Variants in DNM3 observed in about 807,000 individuals in gnomAD.
DNM3 encodes the protein dynamin 3.
Under a neutral mutation model 101.6 loss-of-function variants are expected in DNM3, and 47 were observed. The observed-to-expected ratio is 0.46, with a 90% CI of 0.37 to 0.59. The LOEUF is 0.59. Ranked by LOEUF, DNM3 falls within the 20% of genes least tolerant of loss-of-function variation. The pLI, the probability that DNM3 is intolerant of heterozygous loss-of-function variation, is 0.00. For synonymous variants in DNM3, 385 were observed against 387.9 expected, an observed-to-expected ratio of 0.99 and a Z score of 0.09; for missense variants, 849 against 1,085.7, an observed-to-expected ratio of 0.78 and a Z score of 3.06.
In DNM3 at chr1:172,342,651, TGTTG is replaced by T. The variant is rs559176826; in HGVS notation, c.1893+19314_1893+19317del. On this transcript the variant is annotated intron_variant, in intron 17 of 20. Transcript: ENST00000627582. ...GAGAAAGGATCAGAAAAATACCTAT[TGTTG>T]GTACACCAAACCCCCATGACATGAG... is the stretch of plus-strand genomic sequence containing the variant. Among the ~76,000 whole-genome samples the T allele has an allele frequency of 1.5e-4, 23 of 152,160 alleles. No homozygotes were observed. The South Asian group carries it at 4.8e-3, about 32-fold the overall frequency.
intron 1 of DNM3, among the ~76,000 whole-genome samples, chr1:171,905,588 G>C (rs2038754269): frequency 6.6e-6 from 1 of 152,132 alleles, no homozygotes; most frequent in Non-Finnish European, 1.5e-5. Flanking sequence ...TTCGGTATAT[G>C]TGGTGGGGAG....
At chr1:171,982,278 A>G (rs2044858260) in intron 2 of DNM3, among the ~76,000 whole-genome samples, 1 of 152,220 alleles carries the variant, frequency 6.6e-6, no homozygotes, top group African/African-American at 2.4e-5. Flanking sequence ...TTGATCAGCT[A>G]GTACAACTCG....
At chr1:172,234,426 A>C (rs1220133294) in intron 14 of DNM3, among the ~76,000 whole-genome samples, 1 of 152,196 alleles carries the variant, frequency 6.6e-6, no homozygotes, top group Non-Finnish European at 1.5e-5. Context: ...CATGGATAGG[A>C]AGAATCAATA....
chr1:172,022,557 G>T (rs1195894826), intron 4 of DNM3, among the ~76,000 whole-genome samples: 1 of 151,764 alleles, frequency 6.6e-6, no homozygotes, highest in African/African-American at 2.4e-5. Flanking sequence ...ATTTTTATTA[G>T]AGCTATAAAT....
intron 17 of DNM3, among the ~76,000 whole-genome samples, chr1:172,378,712 A>G (rs1431069693): frequency 6.6e-6 from 1 of 152,022 alleles, no homozygotes; most frequent in Non-Finnish European, 1.5e-5. Flanking sequence ...ATGGCTTAAG[A>G]TTAGATTGTT....
intron 18 of DNM3, among the ~76,000 whole-genome samples, chr1:172,383,305 A>G (rs2069016349): frequency 6.6e-6 from 1 of 152,122 alleles, no homozygotes; most frequent in Non-Finnish European, 1.5e-5. Flanking sequence ...CTTTTCCTTA[A>G]CATTACATTT....
intron 2 of DNM3, among the ~76,000 whole-genome samples, chr1:171,983,370 A>T (rs1350785687): frequency 1.2e-5 from 1 of 84,912 alleles, no homozygotes; most frequent in African/African-American, 7.8e-5. Context: ...GGGTGGGAGG[A>T]TCACTTGAGC....
chr1:172,092,529 C>T (rs1234435430), intron 12 of DNM3, among the ~76,000 whole-genome samples: 1 of 152,198 alleles, frequency 6.6e-6, no homozygotes, highest in African/African-American at 2.4e-5. Context: ...CAACTCTCCT[C>T]TGTACCTGTG....
At chr1:171,844,923 A>T (rs978671605) in intron 1 of DNM3, among the ~76,000 whole-genome samples, 1 of 152,228 alleles carries the variant, frequency 6.6e-6, no homozygotes, top group African/African-American at 2.4e-5. Flanking sequence ...GTTAACATTT[A>T]TAGAGTGCCT....
chr1:172,194,530 G>A (rs1049249050), intron 14 of DNM3, among the ~76,000 whole-genome samples: 1 of 152,114 alleles, frequency 6.6e-6, no homozygotes, highest in South Asian at 2.1e-4. Flanking sequence ...CTTGCTTTAT[G>A]AATCTGGGTG....
intron 14 of DNM3, among the ~76,000 whole-genome samples, chr1:172,204,670 T>C (rs542548502): frequency 1.4e-4 from 21 of 152,130 alleles, no homozygotes; most frequent in Non-Finnish European, 1.5e-4. Flanking sequence ...TCTTTCTCCT[T>C]CTAAAAAAAC....
In DNM3 at chr1:171,975,233, C is replaced by G. The variant is rs532733101; in HGVS notation, c.236-12423C>G. ...GCCTGAGTCATAGAATTATTTCTAC[C>G]ATTTCTAAGCAAAAGCGTCTTATCA... On this transcript the variant is annotated intron_variant, in intron 2 of 20. Transcript: ENST00000627582. Among the ~76,000 whole-genome samples, 6 of 152,182 alleles carry G rather than the reference C, an allele frequency of 3.9e-5. No individual in the cohort carries two copies. The South Asian group carries it at 1.2e-3, about 32-fold the overall frequency.
chr1:172,239,004 C>T (rs1054078542), intron 14 of DNM3, among the ~76,000 whole-genome samples: 2 of 152,116 alleles, frequency 1.3e-5, no homozygotes, highest in Non-Finnish European at 2.9e-5. Context: ...TTTCCTTGAC[C>T]TCTTCTGCAC....
intron 14 of DNM3, among the ~76,000 whole-genome samples, chr1:172,146,078 A>G (rs1317733025): frequency 6.6e-6 from 1 of 152,216 alleles, no homozygotes; most frequent in Non-Finnish European, 1.5e-5. Context: ...ATTTCTAGGT[A>G]GCTTCCAAAT....
chr1:171,904,625 G>A (rs1217569566), intron 1 of DNM3, among the ~76,000 whole-genome samples: 2 of 152,182 alleles, frequency 1.3e-5, no homozygotes, highest in African/African-American at 4.8e-5. Context: ...CAGGAAAGAA[G>A]GACATTTCCC....
intron 16 of DNM3, among the ~76,000 whole-genome samples, chr1:172,321,999 A>G (rs2065739993): frequency 6.6e-6 from 1 of 152,144 alleles, no homozygotes; most frequent in Non-Finnish European, 1.5e-5. Context: ...GTTAACGGTT[A>G]TATCACGGCA....
intron 14 of DNM3, chr1:172,138,669 A>G: frequency 4.6e-6 from 1 of 217,420 alleles, no homozygotes; most frequent in Non-Finnish European, 9.9e-6. Context: ...AAAATAAAAT[A>G]ATACATGAGT....
intron 1 of DNM3, among the ~76,000 whole-genome samples, chr1:171,911,866 C>A (rs1045767265): frequency 4.1e-4 from 63 of 152,042 alleles, no homozygotes; most frequent in African/African-American, 1.2e-3. Flanking sequence ...GGAAGACAAA[C>A]TTTTCTAGTC....
intron 15 of DNM3, among the ~76,000 whole-genome samples, chr1:172,286,889 T>C (rs1174542049): frequency 2.0e-5 from 3 of 152,208 alleles, no homozygotes; most frequent in African/African-American, 4.8e-5. Flanking sequence ...TCCAGATCTG[T>C]GGCCAAATGT....
Sources: allele counts gnomAD v4.1 joint callset (sites outside exome capture counted in the v4.1 genomes callset), GRCh38; gene constraint gnomAD v4.1.1; transcripts MANE v1.5; gene names NCBI Gene and HGNC (gene_info 2026-07-23, HGNC 2026-07-21).